Variants in CHD9 observed in about 807,000 individuals in gnomAD.
CHD9 encodes ATP-dependent chromatin remodeler CHD9.
A neutral mutation model predicts 316.1 loss-of-function variants in CHD9; 77 were observed. The ratio of observed to expected loss-of-function variants is 0.24; its 90% CI spans 0.20 to 0.29. The LOEUF is 0.29. Ranked by LOEUF, CHD9 falls within the 10% of genes least tolerant of loss-of-function variation. The pLI is 1.00. For synonymous variants in CHD9, 1,129 were observed against 1,158.3 expected (o/e 0.97, Z 0.51); for missense variants, 2,763 against 3,438.1 (o/e 0.80, Z 4.91).
At chr16:53,105,498 C>T (rs1051793034) in intron 1 of CHD9, among the ~76,000 whole-genome samples, 2 of 152,112 alleles carry the variant, frequency 1.3e-5, no homozygotes, top group Non-Finnish European at 2.9e-5. Context: ...TTCCATTGTA[C>T]GGGTATTCCA....
chr16:53,316,854 A>G (rs781231035), intron 36 of CHD9, among the ~76,000 whole-genome samples: 4 of 152,204 alleles, frequency 2.6e-5, no homozygotes, highest in Non-Finnish European at 5.9e-5. Flanking sequence ...AAGAGTAAGT[A>G]GGCATTGACC....
At chr16:53,056,565 G>A (rs1029704619) in intron 1 of CHD9, among the ~76,000 whole-genome samples, 1 of 152,216 alleles carries the variant, frequency 6.6e-6, no homozygotes, top group Non-Finnish European at 1.5e-5. Flanking sequence ...AACCCAGGCA[G>A]TCTGCTCTTG....
intron 2 of CHD9, among the ~76,000 whole-genome samples, chr16:53,161,784 AC>A (rs2041929166): frequency 6.6e-6 from 1 of 151,972 alleles, no homozygotes; most frequent in African/African-American, 2.4e-5. Flanking sequence ...AGATGGTCTC[AC>A]TCTGTCACCC....
At chr16:53,067,243 A>T (rs574189469) in intron 1 of CHD9, among the ~76,000 whole-genome samples, 1 of 152,228 alleles carries the variant, frequency 6.6e-6, no homozygotes, top group Non-Finnish European at 1.5e-5. Flanking sequence ...GAGCCGGTCT[A>T]TCCTGTTATT....
chr16:53,286,130 C>A, intron 25 of CHD9, 96 bp from the exon 26 acceptor site: 2 of 614,938 alleles, frequency 3.3e-6, no homozygotes, highest in Non-Finnish European at 5.7e-6. Flanking sequence ...CCCTTTAGTC[C>A]AGAAATATCA....
intron 37 of CHD9, among the ~76,000 whole-genome samples, chr16:53,318,672 T>C (rs2057056180): frequency 6.6e-6 from 1 of 152,184 alleles, no homozygotes; most frequent in South Asian, 2.1e-4. Flanking sequence ...TTTGTCAGCG[T>C]CTGGAGACAT....
At chr16:53,322,276 C>T (rs1427346014) in intron 38 of CHD9, among the ~76,000 whole-genome samples, 1 of 151,572 alleles carries the variant, frequency 6.6e-6, no homozygotes, top group East Asian at 2.0e-4. Flanking sequence ...GGATTACAGG[C>T]CTGAGCCACC....
rs1177159428 is a variant in CHD9, at chr16:53,242,936, C to T, written c.2974C>T (p.Arg992Ter). The change falls in exon 13 of 39, where the codon CGA (arginine) becomes TGA (stop). Residue 992 changes from arginine (R) to a stop codon, truncating the protein, a stop_gained. Transcript: ENST00000447540. LOFTEE classifies it high-confidence loss of function. ...GCGELNAIEW[R>*]CVIIDEAHRL... ...TGGAGAGCTTAATGCAATTGAATGG[C>T]GATGTGTGATTATTGATGAAGCACA... 2 of 1,612,236 alleles carry T rather than the reference C, an allele frequency of 1.2e-6. No homozygotes were observed. Among genetic ancestry groups the T allele is most frequent in the Non-Finnish European group, 1.7e-6 (2 of 1,178,798 alleles).
At chr16:53,159,151 G>A (rs556799126) in intron 2 of CHD9, among the ~76,000 whole-genome samples, 25 of 152,102 alleles carry the variant, frequency 1.6e-4, no homozygotes, top group Admixed American at 1.4e-3. Flanking sequence ...GTATGATGGT[G>A]CACTCCTGTA....
intron 2 of CHD9, among the ~76,000 whole-genome samples, chr16:53,162,448 T>C (rs1267921023): frequency 6.6e-6 from 1 of 152,220 alleles, no homozygotes; most frequent in Non-Finnish European, 1.5e-5. Context: ...CTGCTGTCTT[T>C]ATAGCAGAAT....
chr16:53,242,058 T>G (rs1228088402), intron 12 of CHD9, among the ~76,000 whole-genome samples: 1 of 152,206 alleles, frequency 6.6e-6, no homozygotes, highest in Non-Finnish European at 1.5e-5. Flanking sequence ...TCATACTTAC[T>G]ACTACTTTTA....
intron 1 of CHD9, chr16:53,099,397 A>C (rs1444870305): frequency 6.6e-6 from 1 of 151,750 alleles, no homozygotes; most frequent in Non-Finnish European, 1.5e-5. Context: ...TGGAGTCTGG[A>C]GTGATGAGCG....
At chr16:53,140,898 G>A (rs551187594) in intron 1 of CHD9, among the ~76,000 whole-genome samples, 1 of 152,318 alleles carries the variant, frequency 6.6e-6, no homozygotes, top group African/African-American at 2.4e-5. Context: ...GACATGCAAA[G>A]CAAGACTAAA....
intron 1 of CHD9, among the ~76,000 whole-genome samples, chr16:53,111,682 T>C (rs2037877778): frequency 6.6e-6 from 1 of 152,204 alleles, no homozygotes; most frequent in Non-Finnish European, 1.5e-5. Context: ...GAATTTTCTT[T>C]TTTGTTTTGG....
chr16:53,318,688 G>A (rs879383590), intron 37 of CHD9, among the ~76,000 whole-genome samples: 2 of 152,078 alleles, frequency 1.3e-5, no homozygotes, highest in Non-Finnish European at 2.9e-5. Flanking sequence ...GACATCTTTG[G>A]TAGCCACAAG....
intron 3 of CHD9, among the ~76,000 whole-genome samples, chr16:53,220,939 C>G (rs1302242729): frequency 1.3e-5 from 2 of 152,176 alleles, no homozygotes; most frequent in African/African-American, 4.8e-5. Context: ...GTTGTCTTTT[C>G]TGTAAAGCCC....
intron 1 of CHD9, among the ~76,000 whole-genome samples, chr16:53,064,419 G>A (rs1596852179): frequency 1.3e-5 from 2 of 152,110 alleles, no homozygotes; most frequent in African/African-American, 4.8e-5. Flanking sequence ...CATTCCAGGG[G>A]CTCAGGGTAG....
intron 36 of CHD9, among the ~76,000 whole-genome samples, chr16:53,315,728 C>T (rs1158307982): frequency 2.0e-5 from 3 of 152,132 alleles, no homozygotes; most frequent in Admixed American, 1.3e-4. Flanking sequence ...AATCCGCCTG[C>T]TCAGCCTCCC....
intron 2 of CHD9, among the ~76,000 whole-genome samples, chr16:53,169,965 A>G (rs2042564753): frequency 6.6e-6 from 1 of 151,758 alleles, no homozygotes; most frequent in Non-Finnish European, 1.5e-5. Context: ...CCATCCTAAC[A>G]TGACATTTTT....
Sources: allele counts gnomAD v4.1 joint callset (sites outside exome capture counted in the v4.1 genomes callset), GRCh38; gene constraint gnomAD v4.1.1; transcripts MANE v1.5; gene names NCBI Gene and HGNC (gene_info 2026-07-23, HGNC 2026-07-21).